Variants in CYS1 observed in about 807,000 individuals in gnomAD.
The protein encoded by CYS1 is cystin-1.
In CYS1, 5 loss-of-function variants were observed where a neutral mutation model predicts 9.6. That is an observed-to-expected ratio of 0.52 (90% CI 0.27 to 1.10). The LOEUF (loss-of-function observed/expected upper bound fraction) is 1.10, where lower values mean the gene tolerates loss of function less well. Among genes scored for constraint, CYS1 ranks in the 50% least tolerant of loss-of-function variants. The pLI, the probability that CYS1 is intolerant of heterozygous loss-of-function variation, is 0.11. For synonymous variants in CYS1, 88 were observed against 95.7 expected (o/e 0.92, Z 0.47); for missense variants, 221 against 207.9 (o/e 1.06, Z -0.39).
intron 1 of CYS1, among the ~76,000 whole-genome samples, chr2:10,075,858 G>A (rs145235649): frequency 0.021 from 3,176 of 152,248 alleles, 50 homozygotes; most frequent in Non-Finnish European, 0.035. Context: ...TAGGCAGAGG[G>A]AGGAAAACAA....
rs1661549845 is a variant in CYS1 at position 10,056,502 on chromosome 2, A to G, written c.*2351T>C. Among the ~76,000 whole-genome samples, 2 of 152,244 alleles carry G rather than the reference A, an allele frequency of 1.3e-5. No individual in the cohort carries two copies. The highest frequency in any genetic ancestry group is 2.9e-5 in the Non-Finnish European group (2 of 68,042). On this transcript the variant is annotated 3_prime_UTR_variant, in exon 3 of 3. Transcript: ENST00000381813. ...TGGTCACTTAAGATTTTTCCAGACA[A>G]CAACGTGCGTCATTTTTGCCTTTGA... is the stretch of plus-strand genomic sequence containing the variant.
intron 2 of CYS1, among the ~76,000 whole-genome samples, chr2:10,061,483 G>A (rs1661625857): frequency 6.6e-6 from 1 of 152,238 alleles, no homozygotes; most frequent in Non-Finnish European, 1.5e-5. Flanking sequence ...GACCCCCACA[G>A]GAATAAAAGC....
At chr2:10,067,201 A>T (rs193301808) in intron 1 of CYS1, among the ~76,000 whole-genome samples, 236 of 152,086 alleles carry the variant, frequency 1.6e-3, no homozygotes, top group African/African-American at 5.3e-3. Flanking sequence ...TTTTTAGTAG[A>T]GATGGAGTTT....
rs1050300513 is a variant in CYS1, at chr2:10,076,718, C to T, written c.318+3188G>A. Among the ~76,000 whole-genome samples, 13 of 152,190 alleles carry T rather than the reference C, an allele frequency of 8.5e-5. No individual in the cohort carries two copies. Among genetic ancestry groups the T allele is most frequent in the African/African-American group, 1.2e-4 (5 of 41,438 alleles). ...GAACAGCGTGCTCAACCCCTGGCCTCGTCCCACGTTAGTTCACATACACGA... is the reference window on the plus strand; with the variant it reads ...GAACAGCGTGCTCAACCCCTGGCCTTGTCCCACGTTAGTTCACATACACGA... On this transcript the variant is annotated intron_variant, in intron 1 of 2. Coordinates refer to ENST00000381813, the MANE Select transcript of CYS1 (RefSeq NM_001037160.3). The surrounding 1 kb of genome is among the most constrained non-coding windows in gnomAD (Gnocchi z 4.3).
At chr2:10,066,816 G>A (rs1661703186) in intron 1 of CYS1, among the ~76,000 whole-genome samples, 2 of 142,162 alleles carry the variant, frequency 1.4e-5, no homozygotes, top group African/African-American at 5.0e-5. Flanking sequence ...TAATCAGCTT[G>A]TCATATTTGG....
At position 10,057,684 on chromosome 2, in the gene CYS1, GCTGCTGGGGAGGAGC is replaced by G; in HGVS notation, c.*1154_*1168del. On this transcript the variant is annotated 3_prime_UTR_variant, in exon 3 of 3. Coordinates refer to ENST00000381813, the MANE Select transcript of CYS1 (RefSeq NM_001037160.3). ...CCCCCTCTGTCCTGATGCCCTGCAGGCTGCTGGGGAGGAGCCTGCCGCCTGCCTCCTGCCTCCCTA... is the reference window on the plus strand; with the variant it reads ...CCCCCTCTGTCCTGATGCCCTGCAGGCTGCCGCCTGCCTCCTGCCTCCCTA... The G allele has an allele frequency of 6.6e-6, 1 of 152,532 alleles. No individual in the cohort carries two copies. Among genetic ancestry groups the G allele is most frequent in the South Asian group, 2.1e-4 (1 of 4,800 alleles). The allele number at this position is 152,532 out of a possible 1,614,324, so 9.4% of individuals were successfully genotyped here.
At chr2:10,078,320 C>T (rs1273535160) in intron 1 of CYS1, among the ~76,000 whole-genome samples, 1 of 152,176 alleles carries the variant, frequency 6.6e-6, no homozygotes, top group East Asian at 1.9e-4. Flanking sequence ...CTGACTCTGT[C>T]CAGTTCATCC....
chr2:10,059,455 G>A (rs1398545962), intron 2 of CYS1, among the ~76,000 whole-genome samples: 1 of 152,242 alleles, frequency 6.6e-6, no homozygotes, highest in African/African-American at 2.4e-5. Context: ...CTAGCACTTT[G>A]GGAGGCCCAG....
Position 10,057,613 on chromosome 2 carries a change from T to G in CYS1, c.*1240A>C, listed in dbSNP as rs1454085575. On this transcript the variant is annotated 3_prime_UTR_variant, in exon 3 of 3. Transcript: ENST00000381813. ...TGGCTTCAGCAGAAGCCGCGCTGTTTCCTCCTTCCCCCTCTATCTCCTTCT... is the reference window on the plus strand; with the variant it reads ...TGGCTTCAGCAGAAGCCGCGCTGTTGCCTCCTTCCCCCTCTATCTCCTTCT... 1 of 152,424 alleles carries G rather than the reference T, an allele frequency of 6.6e-6. No individual in the cohort carries two copies. The highest frequency in any genetic ancestry group is 2.4e-5 in the African/African-American group (1 of 41,424). 9.4% of individuals were successfully genotyped at this position (152,424 alleles called of 1,614,324 possible). A position where few individuals can be genotyped will look rare whatever the true frequency, so the allele number is the denominator to read the frequency against.
chr2:10,066,056 A>G, intron 1 of CYS1, 100 bp from the exon 2 acceptor site: 1 of 1,343,854 alleles, frequency 7.4e-7, no homozygotes, highest in South Asian at 1.2e-5. Flanking sequence ...ACCACTTTCA[A>G]CCCAGGATCC....
chr2:10,068,086 T>C (rs184588433), intron 1 of CYS1, among the ~76,000 whole-genome samples: 5 of 152,354 alleles, frequency 3.3e-5, no homozygotes, highest in Admixed American at 2.6e-4. Context: ...TCCATCTCAC[T>C]GATCCTCTCT....
At chr2:10,059,034 A>G (rs907607556) in intron 2 of CYS1, 76 bp from the exon 3 acceptor site, 2 of 1,382,590 alleles carry the variant, frequency 1.4e-6, no homozygotes, top group African/African-American at 1.4e-5. Context: ...GGCCACCACA[A>G]TGGCTCCTAG....
intron 2 of CYS1, among the ~76,000 whole-genome samples, chr2:10,061,505 C>T (rs1302272845): frequency 6.6e-6 from 1 of 152,246 alleles, no homozygotes; most frequent in East Asian, 1.9e-4. Context: ...CCTCTGGGCT[C>T]ACCAGGCAGC....
At chr2:10,069,395 A>G (rs1661735799) in intron 1 of CYS1, among the ~76,000 whole-genome samples, 1 of 152,166 alleles carries the variant, frequency 6.6e-6, no homozygotes, top group South Asian at 2.1e-4. Context: ...TTTGCGACGG[A>G]ATCTTGCTCT....
intron 2 of CYS1, among the ~76,000 whole-genome samples, chr2:10,064,905 T>A (rs1661675221): frequency 6.6e-6 from 1 of 151,270 alleles, no homozygotes; most frequent in African/African-American, 2.4e-5. Context: ...TGTTTTTTTT[T>A]TTTTTGGTAT....
chr2:10,064,778 C>T (rs574464530), intron 2 of CYS1, among the ~76,000 whole-genome samples: 53 of 152,022 alleles, frequency 3.5e-4, no homozygotes, highest in Middle Eastern at 6.8e-3. Context: ...AGTGAAGTGG[C>T]GCGATCTTGG....
At chr2:10,060,892 G>T (rs1661617910) in intron 2 of CYS1, among the ~76,000 whole-genome samples, 1 of 152,250 alleles carries the variant, frequency 6.6e-6, no homozygotes. Context: ...TGGGCACTAA[G>T]GAAGCACTCA....
chr2:10,067,564 T>C (rs1348734453), intron 1 of CYS1, among the ~76,000 whole-genome samples: 1 of 151,930 alleles, frequency 6.6e-6, no homozygotes, highest in Non-Finnish European at 1.5e-5. Context: ...CGTGCCACCA[T>C]GAAGAGCTAA....
Position 10,063,054 on chromosome 2 carries a change from C to T in CYS1, c.371+2850G>A, listed in dbSNP as rs1023405457. Among the ~76,000 whole-genome samples the T allele has an allele frequency of 9.2e-5, 14 of 152,212 alleles. No individual in the cohort carries two copies. The highest frequency in any genetic ancestry group is 3.9e-4 in the Admixed American group (6 of 15,286). On this transcript the variant is annotated intron_variant, in intron 2 of 2. Transcript: ENST00000381813. This position sits in a 1 kb window ranked among gnomAD's most constrained non-coding sequence, Gnocchi z 4.2. ...CATGGCTGCTTCCCTCTGCTGCTTC[C>T]GCAGGGCCCTCCCGGGGGAAGGACC...
Sources: gnomAD v4.1 joint callset for allele counts (sites outside exome capture counted in the v4.1 genomes callset) on GRCh38, gnomAD v4.1.1 for gene constraint, Gnocchi (gnomAD v3.1) non-coding constraint, MANE v1.5 for transcripts, NCBI Gene and HGNC (gene_info 2026-07-23, HGNC 2026-07-21) for gene names.